The following IL26 variants were observed in gnomAD, a reference collection of about 807,000 sequenced individuals.
IL26 encodes interleukin 26, also known as interleukin-26.
Under a neutral mutation model 21.7 loss-of-function variants are expected in IL26, and 23 were observed. The ratio of observed to expected loss-of-function variants is 1.06; its 90% CI spans 0.76 to 1.50. IL26 has a LOEUF of 1.50. Among genes scored for constraint, IL26 ranks in the 40% most tolerant of loss-of-function variants. The pLI, the probability that IL26 is intolerant of heterozygous loss-of-function variation, is 0.00. For missense variants in IL26, 204 were observed against 196.0 expected, an observed-to-expected ratio of 1.04 and a Z score of -0.24; for synonymous variants, 63 against 67.8, an observed-to-expected ratio of 0.93 and a Z score of 0.34.
At chr12:68,215,493 A>G (rs1478000553) in intron 3 of IL26, among the ~76,000 whole-genome samples, 1 of 152,166 alleles carries the variant, frequency 6.6e-6, no homozygotes, top group East Asian at 1.9e-4. Flanking sequence ...GGTTTTCAGG[A>G]TGCAGAAGAA....
intron 3 of IL26, among the ~76,000 whole-genome samples, chr12:68,220,843 G>T (rs1364925992): frequency 6.6e-6 from 1 of 152,190 alleles, no homozygotes; most frequent in African/African-American, 2.4e-5. Flanking sequence ...TGCCATGTTG[G>T]TCAGGTTGGT....
intron 3 of IL26, among the ~76,000 whole-genome samples, chr12:68,223,611 A>C (rs972631760): frequency 4.7e-4 from 72 of 152,302 alleles, no homozygotes; most frequent in African/African-American, 1.6e-3. Context: ...TTAACAATGC[A>C]ACTTAAATTT....
chr12:68,214,317 T>C lies in IL26; in HGVS notation c.363+10832A>G, dbSNP rs1230185567. 2.0e-5 allele frequency among the ~76,000 whole-genome samples: 3 copies of C among 152,162 alleles called. No individual in the cohort carries two copies. In the East Asian group the frequency reaches 5.8e-4, roughly 29 times the overall value. The stretch of plus-strand genomic sequence containing the variant: ...GTTCCATGTGCTGATGAAAAGAATG[T>C]GTATTCTGTAGCAGTTGGGTGAATT... On this transcript the variant is annotated intron_variant, in intron 3 of 4. Coordinates refer to ENST00000229134, the MANE Select transcript of IL26 (RefSeq NM_018402.2).
chr12:68,203,919 G>A lies in IL26; in HGVS notation c.364-1836C>T, dbSNP rs144910470. On this transcript the variant is annotated intron_variant, in intron 3 of 4. Transcript: ENST00000229134. ...TGAACACAGGGTTAGACCTCACTGT[G>A]ATAAGAGCCCTGACTTCAGAATGCT... Among the ~76,000 whole-genome samples, 5 of 152,236 alleles carry A rather than the reference G, an allele frequency of 3.3e-5. No homozygotes were observed. In the East Asian group the frequency reaches 9.7e-4, roughly 29 times the overall value.
intron 3 of IL26, among the ~76,000 whole-genome samples, chr12:68,223,883 GGTT>G (rs1869136875): frequency 1.2e-5 from 1 of 81,890 alleles, no homozygotes; most frequent in Middle Eastern, 7.2e-3. Flanking sequence ...TAAATTTGGT[GGTT>G]TTTTTTTTTT....
intron 3 of IL26, among the ~76,000 whole-genome samples, chr12:68,217,149 A>G (rs1315095775): frequency 6.6e-6 from 1 of 152,226 alleles, no homozygotes; most frequent in Non-Finnish European, 1.5e-5. Flanking sequence ...ATTGGAAAAT[A>G]TATTTTATTA....
At chr12:68,206,877 T>C (rs1432605801) in intron 3 of IL26, among the ~76,000 whole-genome samples, 1 of 152,230 alleles carries the variant, frequency 6.6e-6, no homozygotes, top group African/African-American at 2.4e-5. Context: ...ACTGTTTCTC[T>C]TGTTATCTTG....
At chr12:68,220,407 T>C (rs958603791) in intron 3 of IL26, among the ~76,000 whole-genome samples, 2 of 152,194 alleles carry the variant, frequency 1.3e-5, no homozygotes, top group African/African-American at 4.8e-5. Context: ...AAAATCAATG[T>C]AATTCATTGT....
At chr12:68,225,345 G>C (rs985500196) in intron 2 of IL26, 62 bp from the exon 3 acceptor site, 2 of 1,549,852 alleles carry the variant, frequency 1.3e-6, no homozygotes, top group East Asian at 2.3e-5. Context: ...AATGTCCCCC[G>C]ATCATTACTT....
chr12:68,224,584 A>G (rs115019572), intron 3 of IL26, among the ~76,000 whole-genome samples: 1,995 of 147,686 alleles, frequency 0.014, 60 homozygotes, highest in African/African-American at 0.048. Context: ...TTGTTATGGG[A>G]AAGAAGGAAG....
At chr12:68,209,774 G>A (rs1256434941) in intron 3 of IL26, among the ~76,000 whole-genome samples, 1 of 152,166 alleles carries the variant, frequency 6.6e-6, no homozygotes. Flanking sequence ...GAGGAAAGGA[G>A]ATAGTGGGTT....
intron 3 of IL26, among the ~76,000 whole-genome samples, chr12:68,208,337 C>A (rs1868601430): frequency 6.6e-6 from 1 of 152,142 alleles, no homozygotes. Context: ...AATTTAAACA[C>A]CCTTCAGGTC....
chr12:68,224,803 G>T (rs1472911645), intron 3 of IL26, among the ~76,000 whole-genome samples: 1 of 151,896 alleles, frequency 6.6e-6, no homozygotes, highest in Non-Finnish European at 1.5e-5. Context: ...ATAGTGTTTG[G>T]CACAAAGTTG....
At chr12:68,206,843 T>C (rs1868557484) in intron 3 of IL26, among the ~76,000 whole-genome samples, 1 of 152,232 alleles carries the variant, frequency 6.6e-6, no homozygotes, top group Non-Finnish European at 1.5e-5. Context: ...TGGGAACTTG[T>C]CTGCTGCCTC....
rs562304103 is a variant in IL26, at chr12:68,206,713, G to GCTCA, written c.364-4634_364-4631dup. Among the ~76,000 whole-genome samples the GCTCA allele has an allele frequency of 9.9e-5, 15 of 152,272 alleles. No individual in the cohort carries two copies. The East Asian group carries it at 2.7e-3, about 27-fold the overall frequency. On this transcript the variant is annotated intron_variant, in intron 3 of 4. Transcript: ENST00000229134. Reference sequence around the variant, plus strand: ...TTCCTTCCTGCCTTAAAATCCTGGTGCTCACTTCTTTACTGATAAATGACT... The same window carrying GCTCA: ...TTCCTTCCTGCCTTAAAATCCTGGTGCTCACTCACTTCTTTACTGATAAATGACT...
intron 3 of IL26, among the ~76,000 whole-genome samples, chr12:68,224,711 A>C (rs1366992726): frequency 9.8e-6 from 1 of 102,514 alleles, no homozygotes; most frequent in Non-Finnish European, 1.9e-5. Context: ...AGAGGGAGGG[A>C]GGGAGAGGGA....
rs6144754 is a variant in IL26 at position 68,204,141 on chromosome 12, A to ATTTTTTTTTTTTTTTTT, written c.364-2075_364-2059dup. Among the ~76,000 whole-genome samples, 204 of 113,180 alleles carry ATTTTTTTTTTTTTTTTT rather than the reference A, an allele frequency of 1.8e-3. 5 individuals carry two copies. Among genetic ancestry groups the ATTTTTTTTTTTTTTTTT allele is most frequent in the African/African-American group, 4.9e-3 (141 of 28,832 alleles). The allele number at this position is 113,180 out of a possible 152,430, so 74.3% of individuals were successfully genotyped here. On this transcript the variant is annotated intron_variant, in intron 3 of 4. Coordinates refer to ENST00000229134, the MANE Select transcript of IL26 (RefSeq NM_018402.2). The stretch of plus-strand genomic sequence containing the variant: ...TAAAATCATGTGTTAGGATTCAAAG[A>ATTTTTTTTTTTTTTTTT]TTTTTTTTTTTTTTTTTTTTGAGGC...
At chr12:68,218,486 G>A (rs1011691890) in intron 3 of IL26, among the ~76,000 whole-genome samples, 10 of 151,930 alleles carry the variant, frequency 6.6e-5, no homozygotes, top group East Asian at 1.9e-4. Context: ...CAAAAGAAAC[G>A]ATTAGTGATC....
At chr12:68,203,136 A>T (rs937283206) in intron 3 of IL26, among the ~76,000 whole-genome samples, 1 of 152,226 alleles carries the variant, frequency 6.6e-6, no homozygotes, top group African/African-American at 2.4e-5. Context: ...GCAGCAGGCT[A>T]GTATCTCGAG....
Sources: allele counts gnomAD v4.1 joint callset (sites outside exome capture counted in the v4.1 genomes callset), GRCh38; gene constraint gnomAD v4.1.1; transcripts MANE v1.5; gene names NCBI Gene and HGNC (gene_info 2026-07-23, HGNC 2026-07-21).